The following TENM3 variants were observed in gnomAD, a reference collection of about 807,000 sequenced individuals.
TENM3 encodes the protein teneurin-3.
In TENM3, 63 loss-of-function variants were observed where a neutral mutation model predicts 255.1. The ratio of observed to expected loss-of-function variants is 0.25; its 90% CI spans 0.20 to 0.30. The LOEUF is 0.30. Ranked by LOEUF, TENM3 falls within the 10% of genes least tolerant of loss-of-function variation. TENM3 has a pLI of 1.00. For synonymous variants in TENM3, 1,306 were observed against 1,322.3 expected (o/e 0.99, Z 0.27); for missense variants, 2,929 against 3,461.1 (o/e 0.85, Z 3.86).
the TENM3 span, among the ~76,000 whole-genome samples, chr4:182,071,402 C>G: frequency 6.6e-6 from 1 of 152,006 alleles, no homozygotes; most frequent in African/African-American, 2.4e-5. Context: ...CTTTCCCATT[C>G]CCATTATTTA....
chr4:181,626,397 A>G, the TENM3 span, among the ~76,000 whole-genome samples: 2,806 of 152,214 alleles, frequency 0.018, 94 homozygotes, highest in African/African-American at 0.064. Context: ...ATATAAGAAA[A>G]TTAGTCTAAG....
chr4:182,338,240 A>G (rs768975382), intron 2 of TENM3, among the ~76,000 whole-genome samples: 25 of 152,200 alleles, frequency 1.6e-4, no homozygotes, highest in Non-Finnish European at 3.2e-4. Context: ...GCAGAGTTGC[A>G]CTGTCTCTAC....
chr4:181,584,572 A>G, the TENM3 span, among the ~76,000 whole-genome samples: 2 of 152,172 alleles, frequency 1.3e-5, no homozygotes, highest in Non-Finnish European at 2.9e-5. Context: ...ATATCCAACT[A>G]AAATGTTTTA....
intron 19 of TENM3, among the ~76,000 whole-genome samples, chr4:182,749,877 T>C (rs1417541811): frequency 6.6e-6 from 1 of 152,144 alleles, no homozygotes; most frequent in Non-Finnish European, 1.5e-5. Flanking sequence ...GCCTCTCCAA[T>C]GTCATGTCTT....
chr4:182,178,514 C>T (rs145571388), intron 1 of TENM3, among the ~76,000 whole-genome samples: 24 of 152,236 alleles, frequency 1.6e-4, no homozygotes, highest in African/African-American at 5.3e-4. Context: ...ACTAACACTG[C>T]GTAGAATCTG....
chr4:182,423,281 G>A (rs1770974975), intron 3 of TENM3, among the ~76,000 whole-genome samples: 1 of 152,080 alleles, frequency 6.6e-6, no homozygotes, highest in Non-Finnish European at 1.5e-5. Context: ...AGAGGTGCTG[G>A]AGAAGAAAAA....
intron 22 of TENM3, among the ~76,000 whole-genome samples, chr4:182,756,325 T>A (rs1177820361): frequency 6.6e-6 from 1 of 152,072 alleles, no homozygotes; most frequent in Non-Finnish European, 1.5e-5. Context: ...TTCCAAGAGA[T>A]AGCATGGAGT....
intron 16 of TENM3, among the ~76,000 whole-genome samples, chr4:182,736,314 A>G (rs74958171): frequency 0.019 from 2,883 of 152,312 alleles, 101 homozygotes; most frequent in African/African-American, 0.065. Flanking sequence ...GGCACAGGCC[A>G]GATCTTTGGC....
chr4:182,407,276 T>A (rs1461020177), intron 3 of TENM3, among the ~76,000 whole-genome samples: 1 of 152,230 alleles, frequency 6.6e-6, no homozygotes, highest in Non-Finnish European at 1.5e-5. Context: ...TTTTTACTTC[T>A]AGGTTGCATC....
chr4:182,122,779 C>A, the TENM3 span, among the ~76,000 whole-genome samples: 1 of 152,190 alleles, frequency 6.6e-6, no homozygotes, highest in African/African-American at 2.4e-5. Flanking sequence ...TCAGCCTGTC[C>A]TCTGAAGCTT....
chr4:182,602,669 A>T (rs1314740290), intron 4 of TENM3, among the ~76,000 whole-genome samples: 1 of 152,190 alleles, frequency 6.6e-6, no homozygotes, highest in Non-Finnish European at 1.5e-5. Flanking sequence ...GAACAGGAAA[A>T]ATAGGCAAAC....
intron 3 of TENM3, among the ~76,000 whole-genome samples, chr4:182,583,640 G>T (rs1260672525): frequency 6.6e-6 from 1 of 151,726 alleles, no homozygotes; most frequent in Admixed American, 6.6e-5. Flanking sequence ...TTTAATTCTA[G>T]ATCTTTGATA....
the TENM3 span, among the ~76,000 whole-genome samples, chr4:181,982,031 T>C: frequency 6.6e-6 from 1 of 152,132 alleles, no homozygotes; most frequent in Admixed American, 6.6e-5. Flanking sequence ...CACAAGACCT[T>C]GAACCTGAGA....
intron 3 of TENM3, among the ~76,000 whole-genome samples, chr4:182,510,863 A>G (rs1190184249): frequency 2.0e-5 from 3 of 152,216 alleles, no homozygotes; most frequent in Admixed American, 2.0e-4. Flanking sequence ...CGCATCCTGC[A>G]CACCCTTGCT....
the TENM3 span, among the ~76,000 whole-genome samples, chr4:181,952,025 A>G: frequency 6.6e-6 from 1 of 152,186 alleles, no homozygotes; most frequent in Non-Finnish European, 1.5e-5. Context: ...ATTGTATGGT[A>G]TTATAGTCAC....
At chr4:181,721,599 C>CAAA in the TENM3 span, among the ~76,000 whole-genome samples, 1 of 25,590 alleles carries the variant, frequency 3.9e-5, no homozygotes, top group Non-Finnish European at 6.7e-5. Context: ...GACTCCGTCT[C>CAAA]AAAAAAAAAA....
intron 22 of TENM3, among the ~76,000 whole-genome samples, chr4:182,757,321 A>G: frequency 6.8e-6 from 1 of 147,730 alleles, no homozygotes; most frequent in South Asian, 2.1e-4. Flanking sequence ...CAAAAAAAAA[A>G]AAAAAAAAAA....
intron 1 of TENM3, among the ~76,000 whole-genome samples, chr4:182,323,161 TAGAG>T (rs915358792): frequency 2.0e-5 from 3 of 152,112 alleles, no homozygotes; most frequent in Non-Finnish European, 2.9e-5. Context: ...ATTCAGGAAA[TAGAG>T]AGTTTTTAAG....
At chr4:182,204,766 A>C (rs1754437007) in intron 1 of TENM3, among the ~76,000 whole-genome samples, 1 of 152,214 alleles carries the variant, frequency 6.6e-6, no homozygotes, top group African/African-American at 2.4e-5. Context: ...CATGAAAAAC[A>C]ATGAAATGCA....
Sources: gnomAD v4.1 joint callset for allele counts (sites outside exome capture counted in the v4.1 genomes callset) on GRCh38, gnomAD v4.1.1 for gene constraint, MANE v1.5 for transcripts, NCBI Gene and HGNC (gene_info 2026-07-23, HGNC 2026-07-21) for gene names.